The following CCDC18 variants were observed in gnomAD, a reference collection of about 807,000 sequenced individuals.
The protein encoded by CCDC18 is coiled-coil domain-containing protein 18.
In CCDC18, 157 loss-of-function variants were observed where a neutral mutation model predicts 196.0. The ratio of observed to expected loss-of-function variants is 0.80; its 90% CI spans 0.70 to 0.91. The LOEUF (loss-of-function observed/expected upper bound fraction) is 0.91. CCDC18 is among the 40% of genes least tolerant of loss of function. CCDC18 has a pLI of 0.00. For missense variants in CCDC18, 1,465 were observed against 1,611.6 expected (o/e 0.91, Z 1.56); for synonymous variants, 482 against 529.2 (o/e 0.91, Z 1.22).
chr1:93,278,730 A>AT, downstream of CCDC18: 1 of 344,034 alleles, frequency 2.9e-6, no homozygotes, highest in East Asian at 4.3e-5. Flanking sequence ...GTTAAAATGC[A>AT]TAAGTACATT....
intron 27 of CCDC18, among the ~76,000 whole-genome samples, chr1:93,266,195 T>C (rs1380222248): frequency 7.2e-5 from 11 of 152,200 alleles, no homozygotes; most frequent in Admixed American, 6.5e-4. Context: ...GAATGACTAC[T>C]GGGTACATAA....
intron 19 of CCDC18, 49 bp from the exon 20 acceptor site, chr1:93,239,261 A>G: frequency 7.4e-7 from 1 of 1,355,596 alleles, no homozygotes; most frequent in Non-Finnish European, 9.9e-7. Context: ...GAGACAAGTT[A>G]GTTGGTTAAG....
At chr1:93,195,141 A>C (rs1207221029) in intron 6 of CCDC18, among the ~76,000 whole-genome samples, 3 of 152,088 alleles carry the variant, frequency 2.0e-5, no homozygotes, top group Non-Finnish European at 4.4e-5. Flanking sequence ...AAAGTGCTGG[A>C]ATTACAGGCG....
Position 93,247,779 on chromosome 1 carries a change from C to T in CCDC18, c.3198+825C>T, listed in dbSNP as rs371267453. Among the ~76,000 whole-genome samples the T allele has an allele frequency of 3.0e-4, 45 of 152,036 alleles. No homozygotes were observed. In the East Asian group the frequency reaches 7.6e-3, roughly 26 times the overall value. ...GGTTTTTCCAAATACAAGATTATAT[C>T]CTCTGCAAACAAGGATAATTTAACT... On this transcript the variant is annotated intron_variant, in intron 23 of 28. Coordinates refer to ENST00000690025, the MANE Select transcript of CCDC18 (RefSeq NM_001378204.1).
At chr1:93,247,019 C>T in intron 23 of CCDC18, 65 bp downstream of exon 23, 1 of 702,478 alleles carries the variant, frequency 1.4e-6, no homozygotes, top group Admixed American at 2.9e-5. Context: ...TAACTAAAAA[C>T]ACCCCTTCAA....
rs1270900923 is a variant in CCDC18, at chr1:93,225,751, T to C, written c.2176-582T>C. Among the ~76,000 whole-genome samples the C allele has an allele frequency of 4.7e-5, 7 of 150,386 alleles. No individual in the cohort carries two copies. In the Admixed American group the frequency reaches 4.7e-4, roughly 10 times the overall value. On this transcript the variant is annotated intron_variant, in intron 16 of 28. Coordinates refer to ENST00000690025, the MANE Select transcript of CCDC18 (RefSeq NM_001378204.1). ...GAGATCGCACCACTGCACTACAGCC[T>C]GGGCTACACAGCAAGACTTTGTCTC...
In CCDC18 at chr1:93,238,584, C is replaced by T. The variant is rs183574664; in HGVS notation, c.2604-726C>T. ...AAGTGTTGACACAAAGGAACATGAA[C>T]TCTTCCTACCATTGAGGGTAACATT... On this transcript the variant is annotated intron_variant, in intron 19 of 28. Transcript: ENST00000690025. Among the ~76,000 whole-genome samples the T allele has an allele frequency of 1.5e-4, 23 of 152,304 alleles. No individual in the cohort carries two copies. The East Asian group carries it at 4.2e-3, about 28-fold the overall frequency.
intron 7 of CCDC18, among the ~76,000 whole-genome samples, chr1:93,204,816 A>C (rs952640079): frequency 6.6e-6 from 1 of 152,058 alleles, no homozygotes; most frequent in African/African-American, 2.4e-5. Context: ...TGAATTAGTT[A>C]ATCAGAACGC....
At chr1:93,224,935 GTTAA>G (rs557192980) in intron 16 of CCDC18, among the ~76,000 whole-genome samples, 62 of 152,114 alleles carry the variant, frequency 4.1e-4, no homozygotes, top group Non-Finnish European at 6.9e-4. Context: ...TAAAACAAAT[GTTAA>G]TTAGTCATTC....
intron 26 of CCDC18, among the ~76,000 whole-genome samples, chr1:93,260,650 G>T (rs1444579045): frequency 6.6e-6 from 1 of 151,382 alleles, no homozygotes; most frequent in Admixed American, 6.6e-5. Context: ...TTAAGTTCTG[G>T]GGTACGTGTG....
chr1:93,226,527 ATAT>A, intron 17 of CCDC18, 78 bp downstream of exon 17: 1 of 148,394 alleles, frequency 6.7e-6, no homozygotes, highest in Non-Finnish European at 1.1e-5. Context: ...AGGACAAAAT[ATAT>A]ATATATATAT....
At chr1:93,195,208 G>A (rs1287125642) in intron 6 of CCDC18, among the ~76,000 whole-genome samples, 1 of 152,058 alleles carries the variant, frequency 6.6e-6, no homozygotes, top group African/African-American at 2.4e-5. Flanking sequence ...AGTAAGTGGG[G>A]GACAGACACA....
intron 9 of CCDC18, among the ~76,000 whole-genome samples, chr1:93,208,944 G>A (rs192749622): frequency 2.6e-5 from 4 of 151,770 alleles, no homozygotes; most frequent in African/African-American, 4.8e-5. Flanking sequence ...GATTATGGGC[G>A]TGAGCCACCA....
intron 1 of CCDC18, among the ~76,000 whole-genome samples, chr1:93,181,765 C>T (rs1447571136): frequency 6.6e-6 from 1 of 152,088 alleles, no homozygotes; most frequent in Non-Finnish European, 1.5e-5. Flanking sequence ...CAGGCGCTCG[C>T]CACCACCCCC....
intron 26 of CCDC18, among the ~76,000 whole-genome samples, chr1:93,261,647 C>CATCA (rs911160180): frequency 2.0e-5 from 3 of 152,102 alleles, no homozygotes; most frequent in African/African-American, 7.2e-5. Context: ...CCCCAAGCCA[C>CATCA]ATCAATCACC....
At position 93,207,441 on chromosome 1, in the gene CCDC18, A is replaced by G. The variant is rs760902442; in HGVS notation, c.1209+43A>G. ...CGTAATGGAAAAGAAGAATTTTACTAAAGTGTTTTAGAAAAGACTATCATT... is the reference window on the plus strand; with the variant it reads ...CGTAATGGAAAAGAAGAATTTTACTGAAGTGTTTTAGAAAAGACTATCATT... On this transcript the variant is annotated intron_variant, in intron 9 of 28. Coordinates refer to ENST00000690025, the MANE Select transcript of CCDC18 (RefSeq NM_001378204.1). 5 of 1,423,442 alleles carry G rather than the reference A, an allele frequency of 3.5e-6. No individual in the cohort carries two copies. The African/African-American group carries it at 5.8e-5, about 16-fold the overall frequency. 88.2% of individuals were successfully genotyped at this position (1,423,442 alleles called of 1,614,324 possible). A position where few individuals can be genotyped will look rare whatever the true frequency, so the allele number is the denominator to read the frequency against.
intron 27 of CCDC18, among the ~76,000 whole-genome samples, chr1:93,265,359 C>G (rs970512688): frequency 6.6e-6 from 1 of 152,100 alleles, no homozygotes; most frequent in Non-Finnish European, 1.5e-5. Flanking sequence ...ACTACAATTA[C>G]GTTCACAACA....
At chr1:93,201,843 A>G in intron 6 of CCDC18, 49 bp from the exon 7 acceptor site, 1 of 1,206,352 alleles carries the variant, frequency 8.3e-7, no homozygotes, top group Non-Finnish European at 1.2e-6. Flanking sequence ...TAACTCTTCA[A>G]ATGCAGAGCA....
intron 4 of CCDC18, among the ~76,000 whole-genome samples, chr1:93,187,169 G>T (rs1465599580): frequency 2.0e-5 from 3 of 151,856 alleles, no homozygotes; most frequent in Non-Finnish European, 2.9e-5. Flanking sequence ...AGTAAATTAT[G>T]GTATACCCAT....
Sources: allele counts gnomAD v4.1 joint callset (sites outside exome capture counted in the v4.1 genomes callset), GRCh38; gene constraint gnomAD v4.1.1; transcripts MANE v1.5; gene names NCBI Gene and HGNC (gene_info 2026-07-23, HGNC 2026-07-21).